Variants in VRK2 observed in about 807,000 individuals in gnomAD.
VRK2 encodes the protein serine/threonine-protein kinase VRK2.
Under a neutral mutation model 57.6 loss-of-function variants are expected in VRK2, and 60 were observed. The ratio of observed to expected loss-of-function variants is 1.04; its 90% CI spans 0.85 to 1.29. VRK2 has a LOEUF of 1.29. Ranked by LOEUF, VRK2 falls within the 50% of genes most tolerant of loss-of-function variation. The probability of loss-of-function intolerance (pLI) is 0.00; values close to 1 mark genes in which losing one functional copy is unlikely to be tolerated. For synonymous variants in VRK2, 231 were observed against 199.2 expected (o/e 1.16, Z -1.35); for missense variants, 705 against 588.1 (o/e 1.20, Z -2.06).
At chr2:58,086,151 C>T (rs1043258197) in intron 4 of VRK2, among the ~76,000 whole-genome samples, 188 bp from the exon 5 acceptor site, 2 of 151,138 alleles carry the variant, frequency 1.3e-5, no homozygotes, top group Non-Finnish European at 3.0e-5. Context: ...TTAAAAATTT[C>T]TAATTTTTTG....
intron 1 of VRK2, among the ~76,000 whole-genome samples, chr2:57,970,823 A>C (rs1206496796): frequency 1.3e-5 from 2 of 151,966 alleles, no homozygotes; most frequent in Admixed American, 1.3e-4. Flanking sequence ...CCCTTCTACT[A>C]CCATTGCTAG....
At chr2:57,909,039 G>C (rs923991052) in intron 1 of VRK2, among the ~76,000 whole-genome samples, 2 of 152,086 alleles carry the variant, frequency 1.3e-5, no homozygotes, top group Non-Finnish European at 2.9e-5. Flanking sequence ...ATCAAATATT[G>C]TGCTTGCTTT....
intron 1 of VRK2, among the ~76,000 whole-genome samples, chr2:57,939,079 T>C (rs1200635345): frequency 2.6e-5 from 4 of 151,882 alleles, no homozygotes; most frequent in Non-Finnish European, 5.9e-5. Context: ...AAGACAAGAG[T>C]AGAAAAGGGA....
At chr2:58,128,723 G>A (rs1014082637) in intron 8 of VRK2, among the ~76,000 whole-genome samples, 1 of 152,088 alleles carries the variant, frequency 6.6e-6, no homozygotes, top group Non-Finnish European at 1.5e-5. Flanking sequence ...CTGTGATATT[G>A]ACCAAATTAT....
At chr2:58,067,256 G>A (rs1206348654) in intron 2 of VRK2, among the ~76,000 whole-genome samples, 1 of 152,094 alleles carries the variant, frequency 6.6e-6, no homozygotes, top group African/African-American at 2.4e-5. Flanking sequence ...ACTCAGACTG[G>A]CTTTGTTGCT....
chr2:57,974,021 A>G (rs1055924993), intron 1 of VRK2, among the ~76,000 whole-genome samples: 2 of 151,872 alleles, frequency 1.3e-5, no homozygotes, highest in African/African-American at 4.8e-5. Context: ...GAGGAGGTAG[A>G]CATGTTCCAG....
In VRK2 at chr2:58,022,109, T is replaced by C. The variant is rs146474152; in HGVS notation, c.-438-3556T>C. ...GGGTTTGGGTGGGTCATTTTGATAA[T>C]ATCCTGAGGTGAGTTTCCTAATTAT... On this transcript the variant is annotated intron_variant, in intron 1 of 15. Coordinates refer to the VRK2 transcript ENST00000417641. 6.7e-3 allele frequency among the ~76,000 whole-genome samples: 1,020 copies of C among 152,320 alleles called. 2 individuals carry two copies. Among genetic ancestry groups the C allele is most frequent in the Non-Finnish European group, 0.012 (783 of 68,026 alleles).
chr2:58,050,016 T>A (rs1404023762), intron 2 of VRK2, among the ~76,000 whole-genome samples: 1 of 152,192 alleles, frequency 6.6e-6, no homozygotes, highest in Admixed American at 6.5e-5. Flanking sequence ...TTTAAAGGGT[T>A]TGAACTTGCT....
intron 12 of VRK2, among the ~76,000 whole-genome samples, chr2:58,148,582 A>G (rs1195533633): frequency 6.6e-6 from 1 of 151,770 alleles, no homozygotes; most frequent in African/African-American, 2.4e-5. Flanking sequence ...AAAGATACCT[A>G]AGAAACCTTT....
At chr2:58,022,794 G>A (rs186002710) in intron 1 of VRK2, among the ~76,000 whole-genome samples, 1 of 152,264 alleles carries the variant, frequency 6.6e-6, no homozygotes, top group Admixed American at 6.5e-5. Context: ...GGGATTGCTT[G>A]AACCCAGGAG....
chr2:58,146,519 T>C (rs761263572), intron 12 of VRK2, 45 bp downstream of exon 12: 8 of 1,579,276 alleles, frequency 5.1e-6, no homozygotes, highest in South Asian at 1.2e-5. Context: ...TAATGTTACA[T>C]TAGAATATGC....
intron 7 of VRK2, among the ~76,000 whole-genome samples, chr2:58,111,284 TA>T (rs900408957): frequency 4.0e-5 from 6 of 151,880 alleles, no homozygotes; most frequent in East Asian, 1.9e-4. Context: ...CACAAAGTTA[TA>T]AAAAAAAGTA....
At chr2:58,004,892 C>G (rs1208779693) in intron 1 of VRK2, among the ~76,000 whole-genome samples, 1 of 152,088 alleles carries the variant, frequency 6.6e-6, no homozygotes, top group Non-Finnish European at 1.5e-5. Flanking sequence ...TCATTTGAAA[C>G]TGTATTAAAT....
intron 12 of VRK2, chr2:58,147,265 A>C: frequency 2.0e-6 from 1 of 490,320 alleles, no homozygotes; most frequent in East Asian, 5.5e-5. Flanking sequence ...TGCATTCTTC[A>C]GCCAGCCAAC....
chr2:57,924,342 T>C (rs1286566530), intron 1 of VRK2, among the ~76,000 whole-genome samples: 3 of 152,104 alleles, frequency 2.0e-5, no homozygotes, highest in African/African-American at 7.2e-5. Flanking sequence ...TATTGATTCT[T>C]CCAATCCAAG....
upstream of VRK2, among the ~76,000 whole-genome samples, chr2:58,042,649 A>G (rs567241602): frequency 2.0e-5 from 3 of 152,262 alleles, no homozygotes; most frequent in African/African-American, 7.2e-5. Flanking sequence ...AACCAGTGTA[A>G]GCATTTTATA....
At chr2:58,038,978 C>A (rs1423328178) in intron 3 of VRK2, among the ~76,000 whole-genome samples, 1 of 151,440 alleles carries the variant, frequency 6.6e-6, no homozygotes, top group African/African-American at 2.4e-5. Context: ...AATGATGATA[C>A]ATCTACACTA....
At chr2:57,926,231 G>C (rs1670527151) in intron 1 of VRK2, among the ~76,000 whole-genome samples, 1 of 151,728 alleles carries the variant, frequency 6.6e-6, no homozygotes, top group Non-Finnish European at 1.5e-5. Flanking sequence ...GTATATATCT[G>C]CTAGGTCATC....
chr2:58,029,674 T>C (rs1184803614), intron 2 of VRK2, among the ~76,000 whole-genome samples: 1 of 152,114 alleles, frequency 6.6e-6, no homozygotes, highest in Non-Finnish European at 1.5e-5. Context: ...CCCTGTCATA[T>C]TGAGGTTGGT....
Sources: allele counts gnomAD v4.1 joint callset (sites outside exome capture counted in the v4.1 genomes callset), GRCh38; gene constraint gnomAD v4.1.1; transcripts MANE v1.5; gene names NCBI Gene and HGNC (gene_info 2026-07-23, HGNC 2026-07-21).